The following RIMBP2 variants were observed in gnomAD, a reference collection of about 807,000 sequenced individuals.
RIMBP2 encodes the protein RIMS binding protein 2, also known as RIMS-binding protein 2.
RIMBP2 carries 48 observed loss-of-function variants against 118.6 expected under a neutral mutation model. The observed-to-expected ratio is 0.40, with a 90% CI of 0.32 to 0.51. The LOEUF is 0.51. Ranked by LOEUF, RIMBP2 falls within the 20% of genes least tolerant of loss-of-function variation. The pLI is 0.41. For synonymous variants in RIMBP2, 762 were observed against 742.9 expected, an observed-to-expected ratio of 1.03 and a Z score of -0.42; for missense variants, 1,551 against 1,768.3, an observed-to-expected ratio of 0.88 and a Z score of 2.20.
intron 1 of RIMBP2, among the ~76,000 whole-genome samples, chr12:130,637,361 C>T (rs369107310): frequency 7.9e-5 from 12 of 152,310 alleles, no homozygotes; most frequent in East Asian, 1.9e-4. Context: ...GTGCCTGGAA[C>T]GCAGGAAACA....
intron 1 of RIMBP2, among the ~76,000 whole-genome samples, chr12:130,650,710 C>T (rs775981198): frequency 5.9e-5 from 9 of 152,222 alleles, no homozygotes; most frequent in Admixed American, 1.3e-4. Context: ...TTTCCACCAA[C>T]TCAGTAAACA....
intron 17 of RIMBP2, among the ~76,000 whole-genome samples, chr12:130,416,164 G>T (rs1314529629): frequency 6.6e-6 from 1 of 152,162 alleles, no homozygotes; most frequent in Non-Finnish European, 1.5e-5. Flanking sequence ...GCAACCTACA[G>T]ATTCAATGCT....
At chr12:130,642,497 C>T (rs2062668769) in intron 1 of RIMBP2, among the ~76,000 whole-genome samples, 1 of 152,168 alleles carries the variant, frequency 6.6e-6, no homozygotes, top group Non-Finnish European at 1.5e-5. Context: ...GTTGGCCAGG[C>T]TGGTCTTGAA....
intron 3 of RIMBP2, among the ~76,000 whole-genome samples, chr12:130,514,777 G>A (rs186774307): frequency 6.6e-6 from 1 of 152,340 alleles, no homozygotes; most frequent in African/African-American, 2.4e-5. Flanking sequence ...AGACCTCAGT[G>A]TGAGTGAGTT....
intron 19 of RIMBP2, among the ~76,000 whole-genome samples, chr12:130,410,445 T>G (rs913323790): frequency 6.6e-6 from 1 of 152,200 alleles, no homozygotes; most frequent in East Asian, 1.9e-4. Context: ...CGTTGCCTGA[T>G]TATTATAAAG....
chr12:130,570,593 C>T (rs12422651), intron 2 of RIMBP2, among the ~76,000 whole-genome samples: 5,781 of 152,254 alleles, frequency 0.038, 242 homozygotes, highest in East Asian at 0.18. Flanking sequence ...ACTGCCTGCG[C>T]GACACCTGCT....
At chr12:130,533,207 G>A (rs919578808) in intron 2 of RIMBP2, among the ~76,000 whole-genome samples, 8 of 151,956 alleles carry the variant, frequency 5.3e-5, no homozygotes, top group African/African-American at 1.7e-4. Context: ...TAGGAGTTAC[G>A]TCTAATGAGA....
chr12:130,554,390 C>T (rs1472781290), intron 2 of RIMBP2, among the ~76,000 whole-genome samples: 3 of 152,186 alleles, frequency 2.0e-5, no homozygotes, highest in Admixed American at 2.0e-4. Flanking sequence ...ATCCTAATGA[C>T]TCTCCTGAGA....
intron 1 of RIMBP2, among the ~76,000 whole-genome samples, chr12:130,644,453 G>A (rs1169195123): frequency 1.3e-5 from 2 of 152,130 alleles, no homozygotes; most frequent in Non-Finnish European, 2.9e-5. Context: ...ACCTGTGGCC[G>A]AATTCATTAT....
chr12:130,568,050 T>C (rs914936789), intron 2 of RIMBP2, among the ~76,000 whole-genome samples: 6 of 152,170 alleles, frequency 3.9e-5, no homozygotes, highest in Admixed American at 6.5e-5. Context: ...CTCCAAAAGA[T>C]AGCCTGCTGA....
intron 1 of RIMBP2, among the ~76,000 whole-genome samples, chr12:130,714,361 C>G (rs1048867139): frequency 1.3e-5 from 2 of 152,226 alleles, no homozygotes; most frequent in African/African-American, 4.8e-5. Context: ...GGAGGCTTCT[C>G]CACCACCCAC....
chr12:130,515,945 A>G (rs11613910), intron 3 of RIMBP2, among the ~76,000 whole-genome samples: 7,858 of 152,034 alleles, frequency 0.052, 272 homozygotes, highest in South Asian at 0.16. Context: ...TGATCCACTC[A>G]CCTCAGCCTC....
chr12:130,671,805 G>T (rs540527677), intron 1 of RIMBP2, among the ~76,000 whole-genome samples: 1 of 149,318 alleles, frequency 6.7e-6, no homozygotes, highest in African/African-American at 2.5e-5. Context: ...CTGGTTTAAT[G>T]AATGGGTTTA....
intron 2 of RIMBP2, among the ~76,000 whole-genome samples, chr12:130,589,369 GA>G (rs67508951): frequency 0.38 from 58,226 of 151,890 alleles, 12,345 homozygotes; most frequent in Admixed American, 0.53. Context: ...AAAGAAAAAA[GA>G]AAAAGAAAAT....
At position 130,646,083 on chromosome 12, in the gene RIMBP2, C is replaced by T. The variant is rs1316134026; in HGVS notation, c.-351-17627G>A. ...ACCACCTGCCTCTCCACCTCCCTCA[C>T]CACTTCCCTCTCCACCTCCCTCTCC... On this transcript the variant is annotated intron_variant, in intron 1 of 22. Transcript: ENST00000690449. 2.2e-3 allele frequency among the ~76,000 whole-genome samples: 282 copies of T among 128,506 alleles called. 2 individuals are homozygous for T. The highest frequency in any genetic ancestry group is 0.018 in the South Asian group (70 of 3,900). The allele number at this position is 128,506 out of a possible 152,430, so 84.3% of individuals were successfully genotyped here.
intron 1 of RIMBP2, among the ~76,000 whole-genome samples, chr12:130,695,631 G>A (rs769642844): frequency 5.3e-5 from 8 of 152,048 alleles, no homozygotes; most frequent in Non-Finnish European, 1.0e-4. Flanking sequence ...CCACTGGAAG[G>A]TTTTAAGCAA....
chr12:130,438,440 T>G lies in RIMBP2; in HGVS notation c.1581A>C (p.Pro527=). ...ACAGCCCGGTGGGCGTCAGCACAGG[T>G]GGTCTCCAGGAGACCCGGATGGTGG... ...TPATIRVSWR[P]PVLTPTGLSN... The change falls in exon 12 of 23, where the codon CCA becomes CCC. Residue 527 remains proline (P), a synonymous_variant. Coordinates refer to ENST00000690449, the MANE Select transcript of RIMBP2 (RefSeq NM_001393629.1). 1.9e-6 allele frequency: 3 copies of G among 1,609,138 alleles called. No homozygotes were observed. The highest frequency in any genetic ancestry group is 1.7e-6 in the Non-Finnish European group (2 of 1,178,788).
intron 2 of RIMBP2, among the ~76,000 whole-genome samples, chr12:130,573,499 G>T (rs985444402): frequency 6.6e-6 from 1 of 152,086 alleles, no homozygotes; most frequent in African/African-American, 2.4e-5. Context: ...GCTTACTGGA[G>T]ATATAGACGT....
intron 2 of RIMBP2, among the ~76,000 whole-genome samples, chr12:130,611,795 T>G (rs572871105): frequency 4.6e-5 from 7 of 152,232 alleles, no homozygotes; most frequent in Admixed American, 2.6e-4. Flanking sequence ...ACGGAACCCA[T>G]GTCGACCCAT....
Sources: allele counts gnomAD v4.1 joint callset (sites outside exome capture counted in the v4.1 genomes callset), GRCh38; gene constraint gnomAD v4.1.1; transcripts MANE v1.5; gene names NCBI Gene and HGNC (gene_info 2026-07-23, HGNC 2026-07-21).